The following CLRN1 variants were observed in gnomAD, a reference collection of about 807,000 sequenced individuals.
The protein encoded by CLRN1 is clarin 1, also known as clarin-1.
Under a neutral mutation model 18.7 loss-of-function variants are expected in CLRN1, and 15 were observed. That is an observed-to-expected ratio of 0.80 (90% CI 0.54 to 1.23). CLRN1 has a LOEUF of 1.23. Ranked by LOEUF, CLRN1 falls within the 50% of genes most tolerant of loss-of-function variation. CLRN1 has a pLI of 0.00. For missense variants in CLRN1, 311 were observed against 277.5 expected, an observed-to-expected ratio of 1.12 and a Z score of -0.86; for synonymous variants, 104 against 102.9, an observed-to-expected ratio of 1.01 and a Z score of -0.07.
intron 1 of CLRN1, among the ~76,000 whole-genome samples, chr3:150,972,022 G>C (rs570710593): frequency 6.6e-6 from 1 of 152,232 alleles, no homozygotes; most frequent in Admixed American, 6.5e-5. Context: ...GGAGGGAGTG[G>C]GGAGCAGGAA....
At chr3:150,933,115 T>A (rs1713248394) in intron 2 of CLRN1, among the ~76,000 whole-genome samples, 2 of 152,254 alleles carry the variant, frequency 1.3e-5, no homozygotes, top group African/African-American at 2.4e-5. Flanking sequence ...CAGAAGAATA[T>A]CATTTGTTAC....
chr3:150,932,816 A>G (rs1713234199), intron 2 of CLRN1, among the ~76,000 whole-genome samples: 1 of 152,240 alleles, frequency 6.6e-6, no homozygotes, highest in Non-Finnish European at 1.5e-5. Context: ...GGACAGAGGG[A>G]CAAGTGAAGT....
intron 2 of CLRN1, among the ~76,000 whole-genome samples, chr3:150,929,854 C>CT (rs1285772643): frequency 1.3e-5 from 2 of 152,092 alleles, no homozygotes; most frequent in Non-Finnish European, 2.9e-5. Context: ...ATTACAGTGT[C>CT]TTTTTTTTCT....
rs372544223 is a variant in CLRN1, at chr3:150,972,719, G to A, written c.-11C>T. 22 of 1,614,058 alleles carry A rather than the reference G, an allele frequency of 1.4e-5. No individual in the cohort carries two copies. The highest frequency in any genetic ancestry group is 1.8e-5 in the Non-Finnish European group (21 of 1,180,046). On this transcript the variant is annotated 5_prime_UTR_variant, in exon 1 of 3. Transcript: ENST00000327047. ...CTGTTGGCTTGGCATGATGAGAAAC[G>A]GCTTCTGTGAGGGCGAGGTTCAAAA...
intron 1 of CLRN1, among the ~76,000 whole-genome samples, chr3:150,964,225 C>A (rs960623977): frequency 1.3e-5 from 2 of 151,686 alleles, no homozygotes; most frequent in South Asian, 2.1e-4. Context: ...CAAGAAAAAA[C>A]CCCGTTAAAA....
intron 1 of CLRN1, among the ~76,000 whole-genome samples, chr3:150,957,354 T>A (rs925364530): frequency 6.6e-6 from 1 of 152,052 alleles, no homozygotes; most frequent in Non-Finnish European, 1.5e-5. Context: ...GCAACACTTA[T>A]CTCTGGGTCA....
At chr3:150,970,597 T>C (rs1456209079) in intron 1 of CLRN1, among the ~76,000 whole-genome samples, 2 of 152,078 alleles carry the variant, frequency 1.3e-5, no homozygotes, top group African/African-American at 2.4e-5. Flanking sequence ...GTATAGTATA[T>C]ACAGTACACT....
intron 1 of CLRN1, among the ~76,000 whole-genome samples, chr3:150,954,554 G>C (rs888718557): frequency 1.3e-5 from 2 of 152,144 alleles, no homozygotes; most frequent in Admixed American, 1.3e-4. Flanking sequence ...TATTTTCTCT[G>C]TCTGTGGCTT....
chr3:150,936,118 G>C (rs1053850904), intron 2 of CLRN1, among the ~76,000 whole-genome samples: 41 of 151,860 alleles, frequency 2.7e-4, no homozygotes, highest in African/African-American at 9.9e-4. Flanking sequence ...TGATTCTTTT[G>C]CTGTGCAGAA....
intron 1 of CLRN1, among the ~76,000 whole-genome samples, chr3:150,965,531 T>A (rs1715222441): frequency 6.6e-6 from 1 of 152,142 alleles, no homozygotes; most frequent in South Asian, 2.1e-4. Flanking sequence ...CACCCAATAT[T>A]TTTTTCTTCT....
intron 1 of CLRN1, among the ~76,000 whole-genome samples, chr3:150,966,106 G>A (rs1238507472): frequency 2.0e-5 from 3 of 152,202 alleles, no homozygotes; most frequent in Non-Finnish European, 2.9e-5. Context: ...GATTGCTTGA[G>A]CCCAGCAGTT....
At chr3:150,945,521 G>T in intron 1 of CLRN1, 1 of 1,287,024 alleles carries the variant, frequency 7.8e-7, no homozygotes, top group Non-Finnish European at 1.0e-6. Context: ...AACTACATAT[G>T]TACATACATG....
At chr3:150,952,972 A>T (rs1429006357) in intron 1 of CLRN1, among the ~76,000 whole-genome samples, 2 of 152,142 alleles carry the variant, frequency 1.3e-5, no homozygotes, top group Non-Finnish European at 2.9e-5. Flanking sequence ...AAAATCCCCA[A>T]GTCTGTAATG....
At chr3:150,966,230 C>G (rs771645461) in intron 1 of CLRN1, among the ~76,000 whole-genome samples, 10 of 152,182 alleles carry the variant, frequency 6.6e-5, no homozygotes, top group Non-Finnish European at 1.0e-4. Flanking sequence ...GGGAGGATTC[C>G]TTGGGCAGGA....
At chr3:150,959,628 CAAAA>C (rs202231765) in intron 1 of CLRN1, among the ~76,000 whole-genome samples, 5 of 87,666 alleles carry the variant, frequency 5.7e-5, no homozygotes, top group Admixed American at 1.2e-4. Flanking sequence ...GACTTTGTCT[CAAAA>C]AAAAAAAAAA....
At chr3:150,937,842 A>G (rs1244286068) in intron 2 of CLRN1, among the ~76,000 whole-genome samples, 1 of 152,182 alleles carries the variant, frequency 6.6e-6, no homozygotes, top group Non-Finnish European at 1.5e-5. Flanking sequence ...GCCTGGTCCA[A>G]TGGGTTGCTT....
At chr3:150,971,327 T>G (rs1269331257) in intron 1 of CLRN1, among the ~76,000 whole-genome samples, 4 of 152,186 alleles carry the variant, frequency 2.6e-5, no homozygotes, top group Non-Finnish European at 5.9e-5. Flanking sequence ...TTCTTGGAAA[T>G]TTTCTGGAGC....
At chr3:150,940,316 G>A (rs1321062229) in intron 2 of CLRN1, among the ~76,000 whole-genome samples, 2 of 152,224 alleles carry the variant, frequency 1.3e-5, no homozygotes, top group Non-Finnish European at 2.9e-5. Context: ...TGGATGGGGT[G>A]AGACCCTAAG....
chr3:150,972,386 T>C (rs1715579223), intron 1 of CLRN1, 70 bp downstream of exon 1: 7 of 1,609,170 alleles, frequency 4.4e-6, no homozygotes. Context: ...AATTCTCAAA[T>C]ATAATTCCTC....
Sources: allele counts gnomAD v4.1 joint callset (sites outside exome capture counted in the v4.1 genomes callset), GRCh38; gene constraint gnomAD v4.1.1; transcripts MANE v1.5; gene names NCBI Gene and HGNC (gene_info 2026-07-23, HGNC 2026-07-21).